Variants in SIX3 observed in about 807,000 individuals in gnomAD.
The protein encoded by SIX3 is SIX homeobox 3.
A neutral mutation model predicts 21.7 loss-of-function variants in SIX3; 2 were observed. That is an observed-to-expected ratio of 0.09 (90% confidence interval 0.04 to 0.29). The LOEUF is 0.29. SIX3 is among the 10% of genes least tolerant of loss of function. The pLI is 1.00. For missense variants in SIX3, 347 were observed against 480.7 expected (o/e 0.72, Z 2.60); for synonymous variants, 243 against 220.6 (o/e 1.10, Z -0.90).
rs199795275 is a variant in SIX3 at position 44,944,722 on chromosome 2, C to A, written c.961C>A (p.Leu321Ile). 1 of 1,589,240 alleles carries A rather than the reference C, an allele frequency of 6.3e-7. No homozygotes were observed. Among genetic ancestry groups the A allele is most frequent in the South Asian group, 1.1e-5 (1 of 89,216 alleles). ...GCGCGCAGACACCGGCACCTCCATC[C>A]TCTCGGTAACCTCCAGCGACTCGGA... Reference protein sequence around the residue: ...TERADTGTSILSVTSSDSECD... With the variant: ...TERADTGTSIISVTSSDSECD... The change falls in exon 2 of 2, where the codon CTC becomes ATC. Residue 321 changes from leucine (L) to isoleucine (I), a missense_variant. Coordinates refer to ENST00000260653, the MANE Select transcript of SIX3 (RefSeq NM_005413.4).
At chr2:44,944,226 C>T (rs1416837649) in intron 1 of SIX3, among the ~76,000 whole-genome samples, 1 of 152,218 alleles carries the variant, frequency 6.6e-6, no homozygotes, top group Non-Finnish European at 1.5e-5. Context: ...CGGTGGGGAA[C>T]CCGCAGCTCC....
chr2:44,945,032 A>G lies in SIX3; in HGVS notation c.*272A>G. 1.8e-6 allele frequency: 1 copy of G among 549,406 alleles called. No individual in the cohort carries two copies. Among genetic ancestry groups the G allele is most frequent in the African/African-American group, 1.9e-5 (1 of 52,856 alleles). 34.0% of individuals were successfully genotyped at this position (549,406 alleles called of 1,614,324 possible). On this transcript the variant is annotated 3_prime_UTR_variant, in exon 2 of 2. Transcript: ENST00000260653. ...ACTACGGCCACCCCAAAGGACCCCG[A>G]CGCCAACAGACAGTCAAACGCTGAT...
At chr2:44,943,837 G>T (rs779722746) in intron 1 of SIX3, among the ~76,000 whole-genome samples, 1 of 152,224 alleles carries the variant, frequency 6.6e-6, no homozygotes, top group Non-Finnish European at 1.5e-5. Flanking sequence ...GCTGACAGCT[G>T]CCCGTGGGTG....
intron 1 of SIX3, among the ~76,000 whole-genome samples, 156 bp from the exon 2 acceptor site, chr2:44,944,412 C>G (rs1666647304): frequency 6.6e-6 from 1 of 152,220 alleles, no homozygotes; most frequent in East Asian, 1.9e-4. Context: ...CAGGCCTCCC[C>G]AAGCGGCCGG....
chr2:44,944,588 G>A lies in SIX3; in HGVS notation c.827G>A (p.Gly276Glu), dbSNP rs1345139300. The change falls in exon 2 of 2, where the codon GGA (glycine) becomes GAA (glutamate). Residue 276 changes from glycine to glutamate, a missense_variant. Gly to Glu is a moderately conservative substitution (Grantham distance 98, BLOSUM62 -2). Transcript: ENST00000260653. Reference sequence around the variant, plus strand: ...CGCAGGCTCCAGCACCAGGCCATTGGACCGAGCGGCATGCGCTCGCTGGCC... The same window carrying A: ...CGCAGGCTCCAGCACCAGGCCATTGAACCGAGCGGCATGCGCTCGCTGGCC... ...AKNRLQHQAI[G>E]PSGMRSLAEP... is the part of the protein sequence containing the mutation. 6.3e-7 allele frequency: 1 copy of A among 1,578,796 alleles called. No homozygotes were observed.
In SIX3 at chr2:44,941,964, C is replaced by T; in HGVS notation, c.-141C>T. ...CCCTTACGCCCTTCCTCCTCTCCCT[C>T]CTCCTCCTGCTCCCCCCTCCTTTCC... On this transcript the variant is annotated 5_prime_UTR_variant, in exon 1 of 2. Coordinates refer to ENST00000260653, the MANE Select transcript of SIX3 (RefSeq NM_005413.4). 2.9e-6 allele frequency: 2 copies of T among 692,952 alleles called. No homozygotes were observed. Among genetic ancestry groups the T allele is most frequent in the Non-Finnish European group, 2.6e-6 (1 of 380,072 alleles). The allele number at this position is 692,952 out of a possible 1,614,324, so 42.9% of individuals were successfully genotyped here.
chr2:44,942,131 C>T lies in SIX3; in HGVS notation c.27C>T (p.Leu9=), dbSNP rs13414404. MVFRSPLD[L]YSSHFLLPNF... ...TGGTATTCCGCTCCCCCCTAGACCT[C>T]TATTCCTCCCACTTCTTGTTGCCAA... Residue 9 remains leucine (L), a synonymous_variant, in exon 1 of 2, where the codon CTC becomes CTT. Transcript: ENST00000260653. The surrounding 1 kb of genome is among the most constrained non-coding windows in gnomAD (Gnocchi z 8.4). 3 of 1,597,324 alleles carry T rather than the reference C, an allele frequency of 1.9e-6. No homozygotes were observed. The highest frequency in any genetic ancestry group is 2.5e-6 in the Non-Finnish European group (3 of 1,178,810).
chr2:44,941,712 T>C lies in SIX3; in HGVS notation c.-393T>C, dbSNP rs1427868662. Reference sequence around the variant, plus strand: ...AAATGTTTCAATGCTGCACTCACTGTGGATTTAGGGGAGATATTATGAGGC... The same window carrying C: ...AAATGTTTCAATGCTGCACTCACTGCGGATTTAGGGGAGATATTATGAGGC... On this transcript the variant is annotated 5_prime_UTR_variant, in exon 1 of 2. Transcript: ENST00000260653. 7.8e-6 allele frequency: 2 copies of C among 257,178 alleles called. No homozygotes were observed. Among genetic ancestry groups the C allele is most frequent in the South Asian group, 5.0e-5 (1 of 19,860 alleles). The allele number at this position is 257,178 out of a possible 1,614,324, so 15.9% of individuals were successfully genotyped here. A position where few individuals can be genotyped will look rare whatever the true frequency, so the allele number is the denominator to read the frequency against.
At chr2:44,944,270 C>T (rs1411298298) in intron 1 of SIX3, among the ~76,000 whole-genome samples, 1 of 152,198 alleles carries the variant, frequency 6.6e-6, no homozygotes, top group Non-Finnish European at 1.5e-5. Context: ...GACGGGGTTA[C>T]TAGGGGAACT....
Position 44,942,281 on chromosome 2 carries a change from TGGCGGAGCA to T in SIX3, c.183_191del (p.Ala62_Gly64del). 1 of 1,545,518 alleles carries T rather than the reference TGGCGGAGCA, an allele frequency of 6.5e-7. No homozygotes were observed. Among genetic ancestry groups the T allele is most frequent in the Non-Finnish European group, 8.7e-7 (1 of 1,152,664 alleles). On this transcript the variant is annotated inframe_deletion, in exon 1 of 2. Transcript: ENST00000260653. This position sits in a 1 kb window ranked among gnomAD's most constrained non-coding sequence, Gnocchi z 8.4. ...GGAACGGTGCGGGAGGCGGCGGTGC[TGGCGGAGCA>T]GGCGGCGGCGGCGGCGGCGGCTCCA...
rs939808770 is a variant in SIX3, at chr2:44,945,860, T to C, written c.*1100T>C. Reference sequence around the variant, plus strand: ...ACTTGGCAGTCAAGGAGAGGCATGGTGGCCTGGGTTAGGAAGAGGGACCCT... The same window carrying C: ...ACTTGGCAGTCAAGGAGAGGCATGGCGGCCTGGGTTAGGAAGAGGGACCCT... On this transcript the variant is annotated 3_prime_UTR_variant, in exon 2 of 2. Coordinates refer to ENST00000260653, the MANE Select transcript of SIX3 (RefSeq NM_005413.4). 2.0e-5 allele frequency: 3 copies of C among 152,232 alleles called. No individual in the cohort carries two copies. Among genetic ancestry groups the C allele is most frequent in the African/African-American group, 7.2e-5 (3 of 41,448 alleles). The allele number at this position is 152,232 out of a possible 1,614,324, so 9.4% of individuals were successfully genotyped here.
rs1206765431 is a variant in SIX3, at chr2:44,941,889, T to C, written c.-216T>C. 2.1e-6 allele frequency: 1 copy of C among 467,806 alleles called. No individual in the cohort carries two copies. The highest frequency in any genetic ancestry group is 4.0e-6 in the Non-Finnish European group (1 of 247,044). The allele number at this position is 467,806 out of a possible 1,614,324, so 29.0% of individuals were successfully genotyped here. A position where few individuals can be genotyped will look rare whatever the true frequency, so the allele number is the denominator to read the frequency against. ...GGCCGCTCTCCTACCTCCCTCTCTA[T>C]GTGGCTGCGCGGGTGTGTGTGTGTG... On this transcript the variant is annotated 5_prime_UTR_variant, in exon 1 of 2. It removes an upstream start codon present in the reference 5' UTR. Transcript: ENST00000260653.
chr2:44,945,338 GAC>G lies in SIX3; in HGVS notation c.*580_*581del, dbSNP rs1666671911. On this transcript the variant is annotated 3_prime_UTR_variant, in exon 2 of 2. Coordinates refer to ENST00000260653, the MANE Select transcript of SIX3 (RefSeq NM_005413.4). ...AAAAAAAAAAAAAAAAAAAAAAAAGGACAGGGGGAAAAAAAAAAAAAAAGAAC... is the reference window on the plus strand; with the variant it reads ...AAAAAAAAAAAAAAAAAAAAAAAAGGAGGGGGAAAAAAAAAAAAAAAGAAC... 1 of 98,440 alleles carries G rather than the reference GAC, an allele frequency of 1.0e-5. No individual in the cohort carries two copies. The highest frequency in any genetic ancestry group is 3.4e-4 in the East Asian group (1 of 2,962). The allele number at this position is 98,440 out of a possible 1,614,324, so 6.1% of individuals were successfully genotyped here.
At chr2:44,944,221 G>A (rs338075) in intron 1 of SIX3, among the ~76,000 whole-genome samples, 51,526 of 152,186 alleles carry the variant, frequency 0.34, 8,860 homozygotes, top group East Asian at 0.43. Flanking sequence ...CCGGGCGGTG[G>A]GGAACCCGCA....
chr2:44,944,922 C>G lies in SIX3; in HGVS notation c.*162C>G. On this transcript the variant is annotated 3_prime_UTR_variant, in exon 2 of 2. Transcript: ENST00000260653. ...ATACACACATACAAGTCCACACACA[C>G]TCCCACCCCAGCCAAAAATATATAA... The G allele has an allele frequency of 1.5e-6, 1 of 661,216 alleles. No individual in the cohort carries two copies. The highest frequency in any genetic ancestry group is 2.6e-6 in the Non-Finnish European group (1 of 378,602). 41.0% of individuals were successfully genotyped at this position (661,216 alleles called of 1,614,324 possible). A position where few individuals can be genotyped will look rare whatever the true frequency, so the allele number is the denominator to read the frequency against.
Position 44,942,540 on chromosome 2 carries a change from C to T in SIX3, c.436C>T (p.Arg146Cys), listed in dbSNP as rs756395470. Residue 146 changes from arginine to cysteine, a missense_variant, in exon 1 of 2, where the codon CGC (arginine) becomes TGC (cysteine). Arg to Cys is a radical substitution (Grantham distance 180). Around this residue, in one of 4 missense-constraint regions of SIX3, gnomAD observed 117 missense variants for 205.9 expected, o/e 0.57. Transcript: ENST00000260653. This position sits in a 1 kb window ranked among gnomAD's most constrained non-coding sequence, Gnocchi z 8.4. ...AVVAFHTGNFRDLYHILENHK... is the reference protein window; with the variant it reads ...AVVAFHTGNFCDLYHILENHK... ...GGTCGCCTTCCACACGGGCAACTTC[C>T]GCGACCTCTACCACATCCTTGAGAA... The T allele has an allele frequency of 1.8e-5, 28 of 1,598,520 alleles. No homozygotes were observed. In the African/African-American group the frequency reaches 2.9e-4, roughly 17 times the overall value.
At chr2:44,944,170 G>C (rs1348132832) in intron 1 of SIX3, among the ~76,000 whole-genome samples, 1 of 152,250 alleles carries the variant, frequency 6.6e-6, no homozygotes, top group African/African-American at 2.4e-5. Flanking sequence ...CTCTGCGCTG[G>C]CATCCAGAGA....
intron 1 of SIX3, among the ~76,000 whole-genome samples, chr2:44,943,893 C>T (rs1309408587): frequency 6.6e-6 from 1 of 152,130 alleles, no homozygotes; most frequent in African/African-American, 2.4e-5. Flanking sequence ...TTTAGGCGGC[C>T]GGGACCTGAG....
At position 44,942,252 on chromosome 2, in the gene SIX3, G is replaced by A. The variant is rs1191977510; in HGVS notation, c.148G>A (p.Gly50Ser). ...CGGCGGCGCGGGAGGCGGCAGCGGC[G>A]GCGGGAACGGTGCGGGAGGCGGCGG... ...GGGGAGGGSGGGNGAGGGGAG... is the reference protein window; with the variant it reads ...GGGGAGGGSGSGNGAGGGGAG... Residue 50 changes from glycine (G) to serine (S), a missense_variant, in exon 1 of 2, where the codon GGC becomes AGC. Around this residue, in one of 4 missense-constraint regions of SIX3, gnomAD observed 105 missense variants for 116.1 expected, o/e 0.90. Coordinates refer to ENST00000260653, the MANE Select transcript of SIX3 (RefSeq NM_005413.4). The surrounding 1 kb of genome is among the most constrained non-coding windows in gnomAD (Gnocchi z 8.4). 6.4e-7 allele frequency: 1 copy of A among 1,566,038 alleles called. No homozygotes were observed. Among genetic ancestry groups the A allele is most frequent in the Non-Finnish European group, 8.6e-7 (1 of 1,161,960 alleles).
Sources: gnomAD v4.1 joint callset for allele counts (sites outside exome capture counted in the v4.1 genomes callset) on GRCh38, gnomAD v4.1.1 for gene constraint, gnomAD v4.1.1 regional missense constraint, Gnocchi (gnomAD v3.1) non-coding constraint, MANE v1.5 for transcripts, NCBI Gene and HGNC (gene_info 2026-07-23, HGNC 2026-07-21) for gene names.